CUX1: variants seen among roughly 807,000 people sequenced by gnomAD.
The protein encoded by CUX1 is cut like homeobox 1.
Under a neutral mutation model 158.8 loss-of-function variants are expected in CUX1, and 31 were observed. That is an observed-to-expected ratio of 0.20 (90% CI 0.15 to 0.26). The LOEUF is 0.26. Ranked by LOEUF, CUX1 falls within the 10% of genes least tolerant of loss-of-function variation. The pLI, the probability that CUX1 is intolerant of heterozygous loss-of-function variation, is 1.00. For missense variants in CUX1, 1,589 were observed against 2,014.6 expected (o/e 0.79, Z 4.04); for synonymous variants, 879 against 862.1 (o/e 1.02, Z -0.34).
chr7:102,275,095 G>C, intron 16 of CUX1: 1 of 575,980 alleles, frequency 1.7e-6, no homozygotes, highest in Non-Finnish European at 3.0e-6. Flanking sequence ...CCCCTTCCCC[G>C]ACCTGCCCAG....
In CUX1 at chr7:101,890,745, ACT is replaced by A. The variant is rs1175664298; in HGVS notation, c.31-25367_31-25366del. On this transcript the variant is annotated intron_variant, in intron 1 of 23. Transcript: ENST00000292535. ...CATTTTCTGAATTGTATTCATTCAA[ACT>A]CTGATTTAACCTCTATTTAGTTAAT... Among the ~76,000 whole-genome samples, 5 of 151,944 alleles carry A rather than the reference ACT, an allele frequency of 3.3e-5. No individual in the cohort carries two copies. The South Asian group carries it at 1.0e-3, about 32-fold the overall frequency.
chr7:102,103,990 C>CAGTT (rs1262563690), intron 5 of CUX1, among the ~76,000 whole-genome samples: 1 of 152,062 alleles, frequency 6.6e-6, no homozygotes, highest in African/African-American at 2.4e-5. Context: ...AATCATCCCT[C>CAGTT]AGTTACAGGA....
intron 2 of CUX1, among the ~76,000 whole-genome samples, chr7:101,996,566 G>A (rs1486132667): frequency 1.3e-5 from 2 of 151,920 alleles, no homozygotes; most frequent in Non-Finnish European, 2.9e-5. Context: ...GTTTCCAAGG[G>A]AGAAAATGAA....
At chr7:101,940,102 T>C (rs916123726) in intron 2 of CUX1, among the ~76,000 whole-genome samples, 3 of 139,012 alleles carry the variant, frequency 2.2e-5, no homozygotes, top group Admixed American at 2.2e-4. Context: ...AAGCCGGGCA[T>C]GGTGGTGTAA....
At chr7:101,938,766 C>T (rs1471349460) in intron 2 of CUX1, among the ~76,000 whole-genome samples, 6 of 151,826 alleles carry the variant, frequency 4.0e-5, no homozygotes, top group African/African-American at 1.5e-4. Context: ...ATTAGCCGAG[C>T]GTGATGGCTC....
At chr7:102,087,968 A>G (rs1359576705) in intron 4 of CUX1, among the ~76,000 whole-genome samples, 1 of 150,474 alleles carries the variant, frequency 6.6e-6, no homozygotes, top group Non-Finnish European at 1.5e-5. Flanking sequence ...GTTAGCTTTC[A>G]TTCATCTGGG....
At chr7:101,841,043 G>A (rs1189342831) in intron 1 of CUX1, among the ~76,000 whole-genome samples, 4 of 151,904 alleles carry the variant, frequency 2.6e-5, no homozygotes, top group South Asian at 2.1e-4. Context: ...ACAGGTGCCC[G>A]CCACCACGCC....
chr7:101,915,599 A>C (rs1015744251), intron 1 of CUX1, among the ~76,000 whole-genome samples: 1 of 152,190 alleles, frequency 6.6e-6, no homozygotes, highest in African/African-American at 2.4e-5. Context: ...TGTTGAATGA[A>C]TACAAACCAA....
chr7:101,882,650 G>A (rs1255176174), intron 1 of CUX1, among the ~76,000 whole-genome samples: 2 of 152,236 alleles, frequency 1.3e-5, no homozygotes, highest in Non-Finnish European at 2.9e-5. Context: ...GGCTCACACA[G>A]TAGATGCTCT....
chr7:101,848,160 C>G (rs1441873970), intron 1 of CUX1, among the ~76,000 whole-genome samples: 1 of 151,642 alleles, frequency 6.6e-6, no homozygotes, highest in Admixed American at 6.6e-5. Context: ...AATGGTGAGG[C>G]CTAGATCGCC....
At chr7:101,929,327 T>G (rs755461335) in intron 2 of CUX1, among the ~76,000 whole-genome samples, 5 of 152,212 alleles carry the variant, frequency 3.3e-5, no homozygotes, top group Non-Finnish European at 5.9e-5. Context: ...TAATTTTCTC[T>G]CCTTTTGCAT....
In CUX1 at chr7:102,030,486, T is replaced by TCTC. The variant is rs1316280874; in HGVS notation, c.189+2344_189+2346dup. On this transcript the variant is annotated intron_variant, in intron 3 of 23. Transcript: ENST00000292535. ...CCCGAAGTTAAGGAATTATTAGCAT[T>TCTC]CTCCTACATTACCACAATAACCACA... is the stretch of plus-strand genomic sequence containing the variant. Among the ~76,000 whole-genome samples the TCTC allele has an allele frequency of 7.9e-5, 12 of 152,070 alleles. No individual in the cohort carries two copies. In the South Asian group the frequency reaches 1.7e-3, roughly 21 times the overall value.
intron 2 of CUX1, among the ~76,000 whole-genome samples, chr7:101,931,122 T>C (rs1422057159): frequency 6.6e-6 from 1 of 152,182 alleles, no homozygotes; most frequent in African/African-American, 2.4e-5. Flanking sequence ...CCACACATTT[T>C]GCAACAAGAG....
chr7:102,106,279 G>A (rs1563251279), intron 6 of CUX1, among the ~76,000 whole-genome samples: 3 of 151,810 alleles, frequency 2.0e-5, no homozygotes, highest in South Asian at 2.1e-4. Flanking sequence ...TAGTAGAGAC[G>A]GGGTTTCACT....
intron 1 of CUX1, among the ~76,000 whole-genome samples, chr7:101,847,007 G>A (rs1795774608): frequency 6.6e-6 from 1 of 152,068 alleles, no homozygotes; most frequent in Non-Finnish European, 1.5e-5. Context: ...AGCTGACATG[G>A]TGGCACGCAC....
Position 102,252,446 on chromosome 7 carries a change from G to C in CUX1, c.*3404G>C. 1 of 985,426 alleles carries C rather than the reference G, an allele frequency of 1.0e-6. No individual in the cohort carries two copies. Among genetic ancestry groups the C allele is most frequent in the Non-Finnish European group, 1.2e-6 (1 of 829,948 alleles). The allele number at this position is 985,426 out of a possible 1,614,324, so 61.0% of individuals were successfully genotyped here. On this transcript the variant is annotated 3_prime_UTR_variant, in exon 24 of 24. Coordinates refer to ENST00000292535, the MANE Select transcript of CUX1 (RefSeq NM_181552.4). ...AGCTGATTTGTACCTCTCCCCTGGGGGAAACGGTTCCATATAAAACACTAA... is the reference window on the plus strand; with the variant it reads ...AGCTGATTTGTACCTCTCCCCTGGGCGAAACGGTTCCATATAAAACACTAA...
At chr7:101,827,203 C>T (rs960032953) in intron 1 of CUX1, among the ~76,000 whole-genome samples, 4 of 150,578 alleles carry the variant, frequency 2.7e-5, no homozygotes, top group Non-Finnish European at 4.4e-5. Context: ...CCCACCTGCA[C>T]AGTCAAAAAT....
intron 4 of CUX1, among the ~76,000 whole-genome samples, chr7:102,071,524 A>T (rs951657281): frequency 6.6e-6 from 1 of 152,174 alleles, no homozygotes; most frequent in African/African-American, 2.4e-5. Flanking sequence ...TTTTCTGCCA[A>T]GCAAAGAATT....
intron 1 of CUX1, among the ~76,000 whole-genome samples, chr7:101,915,091 T>C (rs2129084152): frequency 6.6e-6 from 1 of 152,234 alleles, no homozygotes; most frequent in South Asian, 2.1e-4. Context: ...AGAAGCCAGC[T>C]AGAGCAGCCA....
Sources: gnomAD v4.1 joint callset for allele counts (sites outside exome capture counted in the v4.1 genomes callset) on GRCh38, gnomAD v4.1.1 for gene constraint, MANE v1.5 for transcripts, NCBI Gene and HGNC (gene_info 2026-07-23, HGNC 2026-07-21) for gene names.